ZNF263: variants seen among roughly 807,000 people sequenced by gnomAD.
ZNF263 encodes the protein zinc finger protein 263, also known as zinc finger protein FPM315.
Under a neutral mutation model 63.1 loss-of-function variants are expected in ZNF263, and 49 were observed. That is an observed-to-expected ratio of 0.78 (90% CI 0.62 to 0.99). The LOEUF is 0.99. Among genes scored for constraint, ZNF263 ranks in the 50% least tolerant of loss-of-function variants. The pLI is 0.00. For missense variants in ZNF263, 872 were observed against 854.8 expected (o/e 1.02, Z -0.25); for synonymous variants, 352 against 324.2 (o/e 1.09, Z -0.92).
chr16:3,297,506 C>T (rs1244424716), intron 1 of ZNF263, among the ~76,000 whole-genome samples: 1 of 140,018 alleles, frequency 7.1e-6, no homozygotes, highest in African/African-American at 2.7e-5. Flanking sequence ...GCTCTGTCGC[C>T]CAGGCTGGAG....
downstream of ZNF263, chr16:3,291,501 G>A (rs1363339142): frequency 4.1e-6 from 4 of 985,180 alleles, no homozygotes; most frequent in Non-Finnish European, 3.6e-6. Context: ...CTAGACCCCC[G>A]AGTGTTGATC....
rs189692109 is a variant in ZNF263, at chr16:3,297,110, C to T, written c.152-1996C>T. On this transcript the variant is annotated intron_variant, in intron 1 of 2. Transcript: ENST00000574674. ...ACGAGGTCAGGAGTTCAAGACCAAC[C>T]TGAGAAACATGGTGAAACCTCGTCT... 2.7e-3 allele frequency among the ~76,000 whole-genome samples: 411 copies of T among 152,110 alleles called. 1 individual carries two copies. The highest frequency in any genetic ancestry group is 5.0e-3 in the Non-Finnish European group (342 of 68,006).
intron 1 of ZNF263, 72 bp from the exon 2 acceptor site, chr16:3,284,987 T>C: frequency 6.4e-7 from 1 of 1,565,094 alleles, no homozygotes; most frequent in Non-Finnish European, 8.7e-7. Flanking sequence ...AGGTTTGCTC[T>C]CAGTATCCTA....
downstream of ZNF263, among the ~76,000 whole-genome samples, chr16:3,294,071 G>A (rs1211814772): frequency 3.3e-5 from 5 of 152,108 alleles, no homozygotes; most frequent in East Asian, 1.9e-4. Context: ...GACTACAGGC[G>A]CCCGCCACCA....
Position 3,289,393 on chromosome 16 carries a change from G to A in ZNF263, c.887G>A (p.Gly296Glu). The A allele has an allele frequency of 6.6e-7, 1 of 1,510,538 alleles. No individual in the cohort carries two copies. Among genetic ancestry groups the A allele is most frequent in the Non-Finnish European group, 8.8e-7 (1 of 1,130,554 alleles). The allele number at this position is 1,510,538 out of a possible 1,614,324, so 93.6% of individuals were successfully genotyped here. A position where few individuals can be genotyped will look rare whatever the true frequency, so the allele number is the denominator to read the frequency against. ...EGLSPRGPAPGEEKFENLEGV... is the reference protein window; with the variant it reads ...EGLSPRGPAPEEEKFENLEGV... ...GGTTTGGTTTCTCTCTCTCTACCAG[G>A]AGAAGAGAAATTTGAGAACCTGGAA... Residue 296 changes from glycine (G) to glutamate (E), a missense_variant and splice_region_variant, in exon 6 of 6, where the codon GGA (glycine) becomes GAA (glutamate). Coordinates refer to ENST00000219069, the MANE Select transcript of ZNF263 (RefSeq NM_005741.5).
intron 1 of ZNF263, among the ~76,000 whole-genome samples, chr16:3,297,456 C>CTTTTTTTTTTT (rs1168352573): frequency 1.3e-5 from 1 of 76,444 alleles, no homozygotes; most frequent in African/African-American, 5.1e-5. Context: ...GAAACAGATT[C>CTTTTTTTTTTT]TTTTTTTTTT....
intron 2 of ZNF263, chr16:3,299,618 C>G (rs748573870): frequency 3.8e-6 from 6 of 1,564,300 alleles, no homozygotes; most frequent in Non-Finnish European, 5.2e-6. Context: ...AAGATCACAC[C>G]TTGATTCATT....
intron 4 of ZNF263, chr16:3,286,893 G>A (rs1004638382): frequency 3.3e-5 from 5 of 152,144 alleles, no homozygotes; most frequent in African/African-American, 1.2e-4. Context: ...AAACAAGACT[G>A]TGTGTACATT....
Position 3,285,135 on chromosome 16 carries a change from G to A in ZNF263, c.464G>A (p.Ser155Asn). The change falls in exon 2 of 6, where the codon AGC becomes AAC. Residue 155 changes from serine (S) to asparagine (N), a missense_variant. Physicochemically the swap from Ser to Asn is conservative, Grantham distance 46. Coordinates refer to ENST00000219069, the MANE Select transcript of ZNF263 (RefSeq NM_005741.5). ...CTGGAAACAGCACGAGAGTCACCGA[G>A]CTTCAAGCTGGAGCCAATGGAGACT... is the stretch of plus-strand genomic sequence containing the variant. ...LPLETARESP[S>N]FKLEPMETER... 6.2e-7 allele frequency: 1 copy of A among 1,614,164 alleles called. No individual in the cohort carries two copies. Among genetic ancestry groups the A allele is most frequent in the South Asian group, 1.1e-5 (1 of 91,084 alleles).
chr16:3,296,029 G>C (rs1421768286), downstream of ZNF263, among the ~76,000 whole-genome samples: 2 of 152,168 alleles, frequency 1.3e-5, no homozygotes, highest in East Asian at 3.8e-4. Context: ...CTGAGCCCCT[G>C]CTTCACAACT....
In ZNF263 at chr16:3,289,858, G is replaced by A. The variant is rs758109552; in HGVS notation, c.1352G>A (p.Arg451His). 8.1e-6 allele frequency: 13 copies of A among 1,614,180 alleles called. No individual in the cohort carries two copies. The highest frequency in any genetic ancestry group is 1.3e-5 in the African/African-American group (1 of 75,032). Residue 451 changes from arginine to histidine, a missense_variant, in exon 6 of 6, where the codon CGC becomes CAC. By Grantham distance (29) the Arg-to-His change is conservative. Coordinates refer to ENST00000219069, the MANE Select transcript of ZNF263 (RefSeq NM_005741.5). ...TTCAGTCAGAACACCCATCTGACTCGCCACCAACGCACCCACACGGGTGAG... is the reference window on the plus strand; with the variant it reads ...TTCAGTCAGAACACCCATCTGACTCACCACCAACGCACCCACACGGGTGAG... ...KCFSQNTHLT[R>H]HQRTHTGEKP...
downstream of ZNF263, among the ~76,000 whole-genome samples, chr16:3,292,369 C>A (rs1398696297): frequency 6.6e-6 from 1 of 152,134 alleles, no homozygotes; most frequent in African/African-American, 2.4e-5. Flanking sequence ...TTTCTCATTT[C>A]TGTAACTTCC....
Position 3,288,559 on chromosome 16 carries a change from G to C in ZNF263, c.875G>C (p.Gly292Ala). The C allele has an allele frequency of 1.2e-6, 2 of 1,610,168 alleles. No individual in the cohort carries two copies. Among genetic ancestry groups the C allele is most frequent in the Non-Finnish European group, 1.7e-6 (2 of 1,178,362 alleles). Residue 292 changes from glycine (G) to alanine (A), a missense_variant, in exon 5 of 6, where the codon GGC becomes GCC. Transcript: ENST00000219069. Reference sequence around the variant, plus strand: ...TGCAAGGAGGGCCTGAGCCCCAGAGGCCCAGCTCCAGGTAAGGAATGAAGA... The same window carrying C: ...TGCAAGGAGGGCCTGAGCCCCAGAGCCCCAGCTCCAGGTAAGGAATGAAGA... ...QSCKEGLSPR[G>A]PAPGEEKFEN...
At chr16:3,299,830 A>T (rs1032497697) in intron 2 of ZNF263, 4 of 1,590,960 alleles carry the variant, frequency 2.5e-6, no homozygotes, top group Non-Finnish European at 3.4e-6. Flanking sequence ...CCATTCTGAA[A>T]ACAATTCTCT....
chr16:3,285,437 T>G (rs1244135575), intron 2 of ZNF263, among the ~76,000 whole-genome samples, 198 bp downstream of exon 2: 1 of 152,138 alleles, frequency 6.6e-6, no homozygotes, highest in Non-Finnish European at 1.5e-5. Context: ...AGTAGAGCCC[T>G]TTTTTATGCA....
chr16:3,298,790 A>C (rs1959840322), intron 1 of ZNF263: 2 of 386,348 alleles, frequency 5.2e-6, no homozygotes, highest in Non-Finnish European at 9.1e-6. Flanking sequence ...AAATGAATTT[A>C]TGAAACACAA....
chr16:3,293,528 TTGAG>T (rs1455362215), downstream of ZNF263: 12 of 152,264 alleles, frequency 7.9e-5, no homozygotes, highest in Non-Finnish European at 1.5e-5. Flanking sequence ...CCAAAACAGT[TTGAG>T]TGGCTTTTAT....
intron 2 of ZNF263, chr16:3,299,513 C>G: frequency 6.5e-6 from 10 of 1,528,900 alleles, no homozygotes; most frequent in Non-Finnish European, 8.8e-6. Context: ...ATTTTGGAAA[C>G]TCCTTTATCT....
chr16:3,296,504 A>G (rs745441019), intron 1 of ZNF263, among the ~76,000 whole-genome samples: 1 of 152,216 alleles, frequency 6.6e-6, no homozygotes, highest in Non-Finnish European at 1.5e-5. Context: ...GCTTGCAGTC[A>G]TTATGGACTA....
Sources: allele counts gnomAD v4.1 joint callset (sites outside exome capture counted in the v4.1 genomes callset), GRCh38; gene constraint gnomAD v4.1.1; transcripts MANE v1.5; gene names NCBI Gene and HGNC (gene_info 2026-07-23, HGNC 2026-07-21).